MXD1: variants seen among roughly 807,000 people sequenced by gnomAD.
MXD1 encodes the protein MAX dimerization protein 1.
A neutral mutation model predicts 25.7 loss-of-function variants in MXD1; 9 were observed. That is an observed-to-expected ratio of 0.35 (90% CI 0.21 to 0.61). The LOEUF is 0.61. Ranked by LOEUF, MXD1 falls within the 20% of genes least tolerant of loss-of-function variation. The probability of loss-of-function intolerance (pLI) is 0.75; values close to 1 mark genes in which losing one functional copy is unlikely to be tolerated. For missense variants in MXD1, 227 were observed against 292.4 expected (o/e 0.78, Z 1.63); for synonymous variants, 99 against 113.9 (o/e 0.87, Z 0.83).
intron 3 of MXD1, among the ~76,000 whole-genome samples, chr2:69,930,927 T>C (rs943665228): frequency 2.6e-5 from 4 of 152,198 alleles, no homozygotes; most frequent in Non-Finnish European, 2.9e-5. Context: ...CTCATTCTAC[T>C]GATGAGGAAA....
chr2:69,937,104 G>C (rs1677466784), intron 4 of MXD1, 131 bp from the exon 5 acceptor site: 2 of 1,195,088 alleles, frequency 1.7e-6, no homozygotes, highest in Middle Eastern at 1.9e-4. Flanking sequence ...TCAGGGAGAA[G>C]CTTGATGAGT....
At chr2:69,935,664 C>A (rs1677414322) in intron 4 of MXD1, among the ~76,000 whole-genome samples, 199 bp downstream of exon 4, 1 of 152,168 alleles carries the variant, frequency 6.6e-6, no homozygotes, top group African/African-American at 2.4e-5. Context: ...AATGGTCCAT[C>A]CAACTCTCCA....
rs2104152829 is a variant in MXD1 at position 69,915,719 on chromosome 2, GC to G, written c.73+321del. Among the ~76,000 whole-genome samples the G allele has an allele frequency of 6.6e-6, 1 of 152,132 alleles. No homozygotes were observed. The highest frequency in any genetic ancestry group is 2.0e-4 in the East Asian group (1 of 5,008). On this transcript the variant is annotated intron_variant, in intron 1 of 5. Coordinates refer to ENST00000264444, the MANE Select transcript of MXD1 (RefSeq NM_002357.4). The surrounding 1 kb of genome is among the most constrained non-coding windows in gnomAD (Gnocchi z 5.8). The stretch of plus-strand genomic sequence containing the variant: ...ACCTCACCCGGGCTGGTCCCGGCCG[GC>G]CCCCAGGTGGGCCCGGCGCCCCAGT...
At chr2:69,920,123 G>A (rs560577233) in intron 2 of MXD1, among the ~76,000 whole-genome samples, 98 of 152,254 alleles carry the variant, frequency 6.4e-4, no homozygotes, top group Admixed American at 1.4e-3. Flanking sequence ...GGAGTAGCTG[G>A]GATTACAGGC....
intron 3 of MXD1, among the ~76,000 whole-genome samples, chr2:69,928,534 A>G (rs1677213907): frequency 6.6e-6 from 1 of 152,116 alleles, no homozygotes; most frequent in South Asian, 2.1e-4. Context: ...CTAAATTTTA[A>G]TTACCTCAAA....
chr2:69,937,203 T>G, intron 4 of MXD1, 32 bp from the exon 5 acceptor site: 4 of 1,611,028 alleles, frequency 2.5e-6, no homozygotes, highest in Non-Finnish European at 3.4e-6. Flanking sequence ...GATCTCCCTG[T>G]GGGGCCCAAC....
intron 3 of MXD1, among the ~76,000 whole-genome samples, chr2:69,930,943 G>T: frequency 6.6e-6 from 1 of 152,352 alleles, no homozygotes; most frequent in East Asian, 1.9e-4. Context: ...GGAAACTGAG[G>T]CTACACAGAG....
chr2:69,921,763 T>G lies in MXD1; in HGVS notation c.201T>G (p.Asn67Lys), dbSNP rs1389283333. 6.2e-7 allele frequency: 1 copy of G among 1,611,934 alleles called. No homozygotes were observed. The highest frequency in any genetic ancestry group is 8.5e-7 in the Non-Finnish European group (1 of 1,179,048). ...SRSTHNEMEK[N>K]RRAHLRLCLE... ...CAACTCACAATGAAATGGAGAAGAA[T>G]AGGTGAGTTGGGGATTTGGGAGGTG... The change falls in exon 3 of 6, where the codon AAT (asparagine) becomes AAG (lysine). Residue 67 changes from asparagine to lysine, a missense_variant and splice_region_variant. By Grantham distance (94) the Asn-to-Lys change is moderately conservative. Transcript: ENST00000264444.
In MXD1 at chr2:69,934,465, C is replaced by T. The variant is rs1177689554; in HGVS notation, c.204-886C>T. ...GCTGCTTCATCCAGCCCTTCTCCCT[C>T]TCCCACTCCGTGCCATTGCATCAGT... On this transcript the variant is annotated intron_variant, in intron 3 of 5. Coordinates refer to ENST00000264444, the MANE Select transcript of MXD1 (RefSeq NM_002357.4). 2.6e-5 allele frequency among the ~76,000 whole-genome samples: 4 copies of T among 152,180 alleles called. No homozygotes were observed. The East Asian group carries it at 5.8e-4, about 22-fold the overall frequency.
Position 69,915,752 on chromosome 2 carries a change from G to A in MXD1, c.73+349G>A, listed in dbSNP as rs1676950565. Among the ~76,000 whole-genome samples, 1 of 152,240 alleles carries A rather than the reference G, an allele frequency of 6.6e-6. No homozygotes were observed. The highest frequency in any genetic ancestry group is 1.5e-5 in the Non-Finnish European group (1 of 68,044). On this transcript the variant is annotated intron_variant, in intron 1 of 5. Transcript: ENST00000264444. The surrounding 1 kb of genome is among the most constrained non-coding windows in gnomAD (Gnocchi z 5.8). ...GTGGGCCCGGCGCCCCAGTCTCCTG[G>A]GCAGAGGAGCAGCGCCTCCCGGTCC... is the stretch of plus-strand genomic sequence containing the variant.
intron 3 of MXD1, among the ~76,000 whole-genome samples, chr2:69,933,225 C>G (rs113467765): frequency 5.4e-5 from 6 of 111,318 alleles, no homozygotes; most frequent in Admixed American, 2.9e-4. Context: ...AAAAAAAAAA[C>G]AAAAAAAGAA....
Position 69,942,257 on chromosome 2 carries a change from G to A in MXD1, c.*3973G>A, listed in dbSNP as rs1677623990. ...CAACCCAAAGACCCTTTTCGATGAG[G>A]TGGTTTCTCATTCTACATCCTCTGA... On this transcript the variant is annotated 3_prime_UTR_variant, in exon 6 of 6. Coordinates refer to ENST00000264444, the MANE Select transcript of MXD1 (RefSeq NM_002357.4). 1 of 152,290 alleles carries A rather than the reference G, an allele frequency of 6.6e-6. No individual in the cohort carries two copies. The allele number at this position is 152,290 out of a possible 1,614,324, so 9.4% of individuals were successfully genotyped here. A position where few individuals can be genotyped will look rare whatever the true frequency, so the allele number is the denominator to read the frequency against.
chr2:69,930,115 A>AGGATTC (rs1477234403), intron 3 of MXD1, among the ~76,000 whole-genome samples: 1 of 152,162 alleles, frequency 6.6e-6, no homozygotes, highest in African/African-American at 2.4e-5. Flanking sequence ...TTTTGTTTGG[A>AGGATTC]GGATTCATAT....
chr2:69,942,811 G>C lies in MXD1; in HGVS notation c.*4527G>C, dbSNP rs2104230747. On this transcript the variant is annotated 3_prime_UTR_variant, in exon 6 of 6. Coordinates refer to ENST00000264444, the MANE Select transcript of MXD1 (RefSeq NM_002357.4). ...GTAAATCCTGTGTCAAGATCATAGA[G>C]AATGGTGCTTTTTACTACAGTTAGC... 1 of 152,272 alleles carries C rather than the reference G, an allele frequency of 6.6e-6. No individual in the cohort carries two copies. The highest frequency in any genetic ancestry group is 2.4e-5 in the African/African-American group (1 of 41,522). 9.4% of individuals were successfully genotyped at this position (152,272 alleles called of 1,614,324 possible). A position where few individuals can be genotyped will look rare whatever the true frequency, so the allele number is the denominator to read the frequency against.
rs1228075475 is a variant in MXD1, at chr2:69,940,340, T to C, written c.*2056T>C. The C allele has an allele frequency of 6.6e-6, 1 of 152,232 alleles. No individual in the cohort carries two copies. The highest frequency in any genetic ancestry group is 2.4e-5 in the African/African-American group (1 of 41,444). The allele number at this position is 152,232 out of a possible 1,614,324, so 9.4% of individuals were successfully genotyped here. ...ATATGTCTGCACTTTGAGGTCCCTT[T>C]TGAATGCCATTCACTAGACCTCTCA... On this transcript the variant is annotated 3_prime_UTR_variant, in exon 6 of 6. Transcript: ENST00000264444.
chr2:69,916,131 T>C lies in MXD1; in HGVS notation c.84T>C (p.His28=). ...CCTCCTGTTTTCTAGAAGCTGAACA[T>C]GGTTATGCCTCCATGTTACCATACA... ...YLERREREAE[H]GYASMLPYNN... Residue 28 remains histidine, a synonymous_variant, in exon 2 of 6, where the codon CAT becomes CAC. Coordinates refer to ENST00000264444, the MANE Select transcript of MXD1 (RefSeq NM_002357.4). 6.2e-7 allele frequency: 1 copy of C among 1,609,754 alleles called. No homozygotes were observed. The highest frequency in any genetic ancestry group is 2.2e-5 in the East Asian group (1 of 44,826).
chr2:69,915,856 T>C lies in MXD1; in HGVS notation c.74-265T>C, dbSNP rs1676952331. ...GCACCAACCTGCTGGATGTAGCCAG[T>C]GGGAAACCCAGGCTGCGTGAGCCTA... is the stretch of plus-strand genomic sequence containing the variant. On this transcript the variant is annotated intron_variant, in intron 1 of 5. Coordinates refer to ENST00000264444, the MANE Select transcript of MXD1 (RefSeq NM_002357.4). This position sits in a 1 kb window ranked among gnomAD's most constrained non-coding sequence, Gnocchi z 5.8. 6.6e-6 allele frequency among the ~76,000 whole-genome samples: 1 copy of C among 152,246 alleles called. No homozygotes were observed. Among genetic ancestry groups the C allele is most frequent in the African/African-American group, 2.4e-5 (1 of 41,466 alleles).
In MXD1 at chr2:69,940,282, G is replaced by C. The variant is rs903976945; in HGVS notation, c.*1998G>C. The stretch of plus-strand genomic sequence containing the variant: ...TTTAAGCAGAGTGATAGTGTTCAAA[G>C]AGCCAGTTCAGCCTGTAACATATTT... On this transcript the variant is annotated 3_prime_UTR_variant, in exon 6 of 6. Transcript: ENST00000264444. 6.6e-6 allele frequency: 1 copy of C among 151,970 alleles called. No homozygotes were observed. Among genetic ancestry groups the C allele is most frequent in the South Asian group, 2.1e-4 (1 of 4,818 alleles). 9.4% of individuals were successfully genotyped at this position (151,970 alleles called of 1,614,324 possible).
At position 69,922,179 on chromosome 2, in the gene MXD1, C is replaced by T. The variant is rs74467831; in HGVS notation, c.203+414C>T. On this transcript the variant is annotated intron_variant, in intron 3 of 5. Transcript: ENST00000264444. ...GTATATATTAACACATGTGTATTAA[C>T]GTGTATGTATGTGTATTTGCAGTTT... Among the ~76,000 whole-genome samples, 110 of 152,158 alleles carry T rather than the reference C, an allele frequency of 7.2e-4. 1 individual carries two copies. The East Asian group carries it at 0.02, about 28-fold the overall frequency.
Sources: gnomAD v4.1 joint callset for allele counts (sites outside exome capture counted in the v4.1 genomes callset) on GRCh38, gnomAD v4.1.1 for gene constraint, Gnocchi (gnomAD v3.1) non-coding constraint, MANE v1.5 for transcripts, NCBI Gene and HGNC (gene_info 2026-07-23, HGNC 2026-07-21) for gene names.